Variants in NDRG1 observed in about 807,000 individuals in gnomAD.
NDRG1 encodes the protein protein NDRG1.
NDRG1 carries 32 observed loss-of-function variants against 56.9 expected under a neutral mutation model. That is an observed-to-expected ratio of 0.56 (90% CI 0.42 to 0.76). The LOEUF (loss-of-function observed/expected upper bound fraction) is 0.76, where lower values mean the gene tolerates loss of function less well. Among genes scored for constraint, NDRG1 ranks in the 30% least tolerant of loss-of-function variants. NDRG1 has a pLI of 0.00. For missense variants in NDRG1, 507 were observed against 545.7 expected (o/e 0.93, Z 0.71); for synonymous variants, 211 against 204.1 (o/e 1.03, Z -0.29).
intron 4 of NDRG1, among the ~76,000 whole-genome samples, chr8:133,262,998 C>G (rs1232147036): frequency 6.6e-6 from 1 of 152,142 alleles, no homozygotes; most frequent in Non-Finnish European, 1.5e-5. Context: ...GTTACATGAG[C>G]GAGAAATAAA....
In NDRG1 at chr8:133,248,223, G is replaced by C. The variant is rs567686098; in HGVS notation, c.756-297C>G. On this transcript the variant is annotated intron_variant, in intron 11 of 15. Transcript: ENST00000323851. ...TAGCTGGCAATCAAGACCGAAACAA[G>C]AACAGCATGAAGGACAAAGGCAATG... Among the ~76,000 whole-genome samples, 5 of 152,296 alleles carry C rather than the reference G, an allele frequency of 3.3e-5. No homozygotes were observed. The East Asian group carries it at 7.7e-4, about 24-fold the overall frequency.
intron 3 of NDRG1, among the ~76,000 whole-genome samples, chr8:133,278,542 CAT>C (rs1205830075): frequency 6.6e-6 from 1 of 152,204 alleles, no homozygotes; most frequent in Admixed American, 6.5e-5. Flanking sequence ...GACCTCAGCA[CAT>C]GAGTGGTGCG....
intron 1 of NDRG1, among the ~76,000 whole-genome samples, chr8:133,290,589 C>CA (rs1164977147): frequency 6.6e-6 from 1 of 152,182 alleles, no homozygotes; most frequent in African/African-American, 2.4e-5. Flanking sequence ...TCCTCACCAC[C>CA]ACCCGTGGCC....
chr8:133,279,065 T>C (rs1857625011), intron 3 of NDRG1, among the ~76,000 whole-genome samples: 1 of 152,150 alleles, frequency 6.6e-6, no homozygotes, highest in South Asian at 2.1e-4. Context: ...AATTTTTGTA[T>C]TTTTAGTAGA....
chr8:133,281,308 G>A lies in NDRG1; in HGVS notation c.64-1041C>T, dbSNP rs1212793691. On this transcript the variant is annotated intron_variant, in intron 2 of 15. Coordinates refer to ENST00000323851, the MANE Select transcript of NDRG1 (RefSeq NM_006096.4). ...GGAGACAGAGGTTGCAGTGAGCCTAGATCACACCATGGCACTCCAGCCTGG... is the reference window on the plus strand; with the variant it reads ...GGAGACAGAGGTTGCAGTGAGCCTAAATCACACCATGGCACTCCAGCCTGG... Among the ~76,000 whole-genome samples the A allele has an allele frequency of 6.1e-5, 9 of 148,160 alleles. 1 individual carries two copies. The East Asian group carries it at 1.8e-3, about 29-fold the overall frequency.
intron 2 of NDRG1, 122 bp from the exon 3 acceptor site, chr8:133,280,389 T>G (rs941959183): frequency 1.2e-6 from 1 of 850,394 alleles, no homozygotes; most frequent in African/African-American, 1.7e-5. Flanking sequence ...TTGTGGGGTC[T>G]CCTTAATTCC....
intron 6 of NDRG1, 110 bp downstream of exon 6, chr8:133,259,058 A>C: frequency 8.5e-7 from 1 of 1,170,998 alleles, no homozygotes; most frequent in South Asian, 1.2e-5. Context: ...CTCATCTCTA[A>C]ATTGCAACCT....
At chr8:133,284,128 A>G (rs1409734467) in intron 2 of NDRG1, 121 bp downstream of exon 2, 2 of 870,558 alleles carry the variant, frequency 2.3e-6, no homozygotes, top group South Asian at 1.4e-5. Flanking sequence ...TGTATGCTGT[A>G]TACATGTGTA....
At chr8:133,252,684 C>T (rs1290108914) in intron 9 of NDRG1, among the ~76,000 whole-genome samples, 2 of 151,724 alleles carry the variant, frequency 1.3e-5, no homozygotes, top group African/African-American at 4.8e-5. Context: ...CCCTGGTACA[C>T]TTGCCAACTC....
intron 8 of NDRG1, 112 bp from the exon 9 acceptor site, chr8:133,254,707 C>A (rs1586431172): frequency 1.9e-6 from 2 of 1,033,820 alleles, no homozygotes; most frequent in Admixed American, 2.0e-5. Context: ...CTCCCCCCTA[C>A]ATGCAGGCCT....
chr8:133,239,467 CT>C (rs1222524867), intron 15 of NDRG1: 1 of 458,858 alleles, frequency 2.2e-6, no homozygotes, highest in African/African-American at 2.0e-5. Context: ...ATACTGACCC[CT>C]GGTATCAGCA....
At chr8:133,271,060 C>A (rs1269996447) in intron 3 of NDRG1, among the ~76,000 whole-genome samples, 4 of 152,200 alleles carry the variant, frequency 2.6e-5, no homozygotes, top group African/African-American at 9.7e-5. Context: ...TGGCTTAAGT[C>A]AACTCTCTGG....
chr8:133,254,787 G>A, intron 8 of NDRG1, 192 bp from the exon 9 acceptor site: 1 of 643,400 alleles, frequency 1.6e-6, no homozygotes, highest in Non-Finnish European at 2.8e-6. Flanking sequence ...TCCCCCAAAT[G>A]CAGGGCCTGG....
At chr8:133,257,061 G>A (rs1296918934) in intron 7 of NDRG1, among the ~76,000 whole-genome samples, 198 bp from the exon 8 acceptor site, 1 of 152,198 alleles carries the variant, frequency 6.6e-6, no homozygotes, top group African/African-American at 2.4e-5. Context: ...CCTAGAGAGA[G>A]TGGGAAGGAG....
chr8:133,252,913 C>G (rs991593438), intron 9 of NDRG1, among the ~76,000 whole-genome samples: 1 of 151,566 alleles, frequency 6.6e-6, no homozygotes, highest in African/African-American at 2.4e-5. Context: ...GGCCTCTATT[C>G]CCCTGGTACA....
intron 1 of NDRG1, among the ~76,000 whole-genome samples, chr8:133,288,762 T>C (rs1858271556): frequency 6.6e-6 from 1 of 152,186 alleles, no homozygotes; most frequent in East Asian, 1.9e-4. Context: ...TTGGAGTGGC[T>C]TGGGACTGAC....
chr8:133,273,668 A>G (rs907244541), intron 3 of NDRG1, among the ~76,000 whole-genome samples: 1 of 152,182 alleles, frequency 6.6e-6, no homozygotes, highest in Non-Finnish European at 1.5e-5. Context: ...GACTATCTCT[A>G]CAGTACCCTT....
rs539620700 is a variant in NDRG1, at chr8:133,275,108, GA to G, written c.99+5123del. Among the ~76,000 whole-genome samples, 174 of 152,256 alleles carry G rather than the reference GA, an allele frequency of 1.1e-3. No individual in the cohort carries two copies. In the Middle Eastern group the frequency reaches 0.017, roughly 15 times the overall value. The stretch of plus-strand genomic sequence containing the variant: ...CTGTCCTTCTCAGTTCCTGGCCCTG[GA>G]ACCCATCAGGCCCCAGAGAGCTTCC... On this transcript the variant is annotated intron_variant, in intron 3 of 15. Transcript: ENST00000323851.
rs79058013 is a variant in NDRG1 at position 133,252,053 on chromosome 8, G to T, written c.595-1510C>A. Among the ~76,000 whole-genome samples the T allele has an allele frequency of 3.5e-4, 53 of 152,132 alleles. 1 individual carries two copies. Among genetic ancestry groups the T allele is most frequent in the Non-Finnish European group, 5.7e-4 (39 of 68,020 alleles). ...GGCGGCCCTGCCAGCGCTTGACATC[G>T]GAGTTCTAGACTCAGAGCTGTGAGA... On this transcript the variant is annotated intron_variant, in intron 9 of 15. Coordinates refer to ENST00000323851, the MANE Select transcript of NDRG1 (RefSeq NM_006096.4).
Sources: allele counts gnomAD v4.1 joint callset (sites outside exome capture counted in the v4.1 genomes callset), GRCh38; gene constraint gnomAD v4.1.1; transcripts MANE v1.5; gene names NCBI Gene and HGNC (gene_info 2026-07-23, HGNC 2026-07-21).